The following COL9A2 variants were observed in gnomAD, a reference collection of about 807,000 sequenced individuals.
The protein encoded by COL9A2 is collagen alpha-2(IX) chain.
A neutral mutation model predicts 111.6 loss-of-function variants in COL9A2; 66 were observed. That is an observed-to-expected ratio of 0.59 (90% CI 0.48 to 0.73). The LOEUF is 0.73. COL9A2 is among the 30% of genes least tolerant of loss of function. The probability of loss-of-function intolerance (pLI) is 0.00; values close to 1 mark genes in which losing one functional copy is unlikely to be tolerated. For missense variants in COL9A2, 881 were observed against 954.1 expected (o/e 0.92, Z 1.01); for synonymous variants, 353 against 364.1 (o/e 0.97, Z 0.35).
Position 40,312,504 on chromosome 1 carries a change from G to A in COL9A2, c.340-25C>T. On this transcript the variant is annotated intron_variant, in intron 6 of 31. Coordinates refer to ENST00000372748, the MANE Select transcript of COL9A2 (RefSeq NM_001852.4). The surrounding 1 kb of genome is among the most constrained non-coding windows in gnomAD (Gnocchi z 6.0). ...CCTGGAACAGAAAGAAAGAAAATTGGCTTCATGGCTCCCTCTGCAGGTCCC... is the reference window on the plus strand; with the variant it reads ...CCTGGAACAGAAAGAAAGAAAATTGACTTCATGGCTCCCTCTGCAGGTCCC... 6.2e-7 allele frequency: 1 copy of A among 1,613,890 alleles called. No homozygotes were observed. The highest frequency in any genetic ancestry group is 8.5e-7 in the Non-Finnish European group (1 of 1,179,924).
rs1557794346 is a variant in COL9A2 at position 40,304,397 on chromosome 1, G to A, written c.1216-6C>T. The A allele has an allele frequency of 1.2e-6, 2 of 1,605,012 alleles. No individual in the cohort carries two copies. The highest frequency in any genetic ancestry group is 1.7e-5 in the Admixed American group (1 of 58,292). ...CCCTGCTCCCCCTTAGGGCCCTGAG[G>A]AGAAAAGAAACCAAAGGAATAAATG... On this transcript the variant is annotated splice_region_variant and splice_polypyrimidine_tract_variant and intron_variant, in intron 23 of 31. Transcript: ENST00000372748.
intron 20 of COL9A2, 123 bp downstream of exon 20, chr1:40,306,020 G>A: frequency 8.7e-7 from 1 of 1,152,946 alleles, no homozygotes; most frequent in South Asian, 1.2e-5. Context: ...GAGGGAGGTG[G>A]TTAGGCCCAA....
chr1:40,315,695 TCAGA>T, intron 1 of COL9A2, 31 bp from the exon 2 acceptor site: 2 of 1,516,198 alleles, frequency 1.3e-6, no homozygotes, highest in Non-Finnish European at 1.8e-6. Context: ...GGGGCAGTCC[TCAGA>T]CAGTGCAGGA....
At position 40,304,500 on chromosome 1, in the gene COL9A2, C is replaced by A; in HGVS notation, c.1191G>T (p.Gly397=). Residue 397 remains glycine, a synonymous_variant, in exon 23 of 32, where the codon GGG becomes GGT. Coordinates refer to ENST00000372748, the MANE Select transcript of COL9A2 (RefSeq NM_001852.4). ...CCTGCCTTCCCTGAGGGCCTGGTTG[C>A]CCCACTGGACCCCTCTCGCCTTGGT... ...KGDQGERGPV[G]QPGPQGRQGP... 6.2e-7 allele frequency: 1 copy of A among 1,614,150 alleles called. No individual in the cohort carries two copies. Among genetic ancestry groups the A allele is most frequent in the South Asian group, 1.1e-5 (1 of 91,072 alleles).
In COL9A2 at chr1:40,307,824, T is replaced by G. The variant is rs1644054830; in HGVS notation, c.901-68A>C. The G allele has an allele frequency of 6.5e-7, 1 of 1,535,634 alleles. No individual in the cohort carries two copies. Among genetic ancestry groups the G allele is most frequent in the South Asian group, 1.1e-5 (1 of 88,416 alleles). On this transcript the variant is annotated intron_variant, in intron 17 of 31. Transcript: ENST00000372748. The surrounding 1 kb of genome is among the most constrained non-coding windows in gnomAD (Gnocchi z 4.8). ...TGTCTGGGGTCTGGCCACCCACCCC[T>G]GTTCCTCTGAGACAGCTGCAGTGTG...
chr1:40,307,267 T>C lies in COL9A2; in HGVS notation c.1008+179A>G, dbSNP rs1644044021. 6.6e-6 allele frequency among the ~76,000 whole-genome samples: 1 copy of C among 152,216 alleles called. No individual in the cohort carries two copies. Among genetic ancestry groups the C allele is most frequent in the African/African-American group, 2.4e-5 (1 of 41,448 alleles). On this transcript the variant is annotated intron_variant, in intron 19 of 31. Coordinates refer to ENST00000372748, the MANE Select transcript of COL9A2 (RefSeq NM_001852.4). This position sits in a 1 kb window ranked among gnomAD's most constrained non-coding sequence, Gnocchi z 4.8. ...ATTTAGCCAACATGGAGGACTGGAA[T>C]GGCCAAAGAGAAGGCTAGAGTAATT...
At chr1:40,301,548 CCAAT>C (rs1643915165) in intron 31 of COL9A2, among the ~76,000 whole-genome samples, 167 bp from the exon 32 acceptor site, 2 of 152,224 alleles carry the variant, frequency 1.3e-5, no homozygotes. Context: ...CCCCCAGCTC[CCAAT>C]CAGTGAGCTT....
At position 40,315,635 on chromosome 1, in the gene COL9A2, CG is replaced by C. The variant is rs761125486; in HGVS notation, c.104del (p.Pro35ArgfsTer51). The C allele has an allele frequency of 1.3e-6, 2 of 1,553,864 alleles. No homozygotes were observed. Among genetic ancestry groups the C allele is most frequent in the Admixed American group, 2.0e-5 (1 of 51,066 alleles). ...IRGPPGERGP[P>X]GPPGPPGVPG... is the part of the protein sequence containing the mutation. ...GCACTCCCGGCGGTCCCGGGGGACC[CG>C]GGGGGCCCCGCTCTCCCGGTGGACC... On this transcript the variant is annotated frameshift_variant, in exon 2 of 32. Transcript: ENST00000372748. LOFTEE classifies it high-confidence loss of function.
At chr1:40,313,578 G>T (rs1428058865) in intron 4 of COL9A2, among the ~76,000 whole-genome samples, 1 of 152,212 alleles carries the variant, frequency 6.6e-6, no homozygotes, top group African/African-American at 2.4e-5. Flanking sequence ...TGCAGGGTGT[G>T]GATGAGTTTG....
At position 40,311,422 on chromosome 1, in the gene COL9A2, C is replaced by T. The variant is rs545619399; in HGVS notation, c.519+78G>A. On this transcript the variant is annotated intron_variant, in intron 10 of 31. Coordinates refer to ENST00000372748, the MANE Select transcript of COL9A2 (RefSeq NM_001852.4). The surrounding 1 kb of genome is among the most constrained non-coding windows in gnomAD (Gnocchi z 5.1). The stretch of plus-strand genomic sequence containing the variant: ...CCCCTCCCCATCTCTCCAGACACCC[C>T]CATCTCCGTGGCCCCGCCTCCCCAT... The T allele has an allele frequency of 8.8e-6, 14 of 1,588,704 alleles. No individual in the cohort carries two copies. The highest frequency in any genetic ancestry group is 6.8e-5 in the East Asian group (3 of 44,324).
rs1644109819 is a variant in COL9A2 at position 40,310,733 on chromosome 1, T to C, written c.665A>G (p.Gln222Arg). The C allele has an allele frequency of 6.4e-7, 1 of 1,566,280 alleles. No individual in the cohort carries two copies. The highest frequency in any genetic ancestry group is 2.4e-5 in the East Asian group (1 of 41,876). The change falls in exon 13 of 32, where the codon CAA (glutamine) becomes CGA (arginine). Residue 222 changes from glutamine to arginine, a missense_variant. Gln to Arg is a conservative substitution (Grantham distance 43, BLOSUM62 1). Coordinates refer to ENST00000372748, the MANE Select transcript of COL9A2 (RefSeq NM_001852.4). The surrounding 1 kb of genome is among the most constrained non-coding windows in gnomAD (Gnocchi z 4.9). ...PKGDVGASGE[Q>R]GIPGPPGPQG... ...CCTTACCGGTGGTCCAGGGATGCCTTGCTCTCCAGAGGCACCCACATCTCC... is the reference window on the plus strand; with the variant it reads ...CCTTACCGGTGGTCCAGGGATGCCTCGCTCTCCAGAGGCACCCACATCTCC...
In COL9A2 at chr1:40,309,952, C is replaced by T. The variant is rs561050736; in HGVS notation, c.832G>A (p.Glu278Lys). ...TGAGGACTCACCTCGTCACCCTTCT[C>T]CCCAGCTCGGCCTGGCGGTCCCCTA... is the stretch of plus-strand genomic sequence containing the variant. ...GPRGPPGRAG[E>K]KGDEGSPGIR... Residue 278 changes from glutamate to lysine, a missense_variant, in exon 16 of 32, where the codon GAG (glutamate) becomes AAG (lysine). Glu to Lys is a moderately conservative substitution (Grantham distance 56). Coordinates refer to ENST00000372748, the MANE Select transcript of COL9A2 (RefSeq NM_001852.4). 8.7e-6 allele frequency: 14 copies of T among 1,613,948 alleles called. No individual in the cohort carries two copies. Among genetic ancestry groups the T allele is most frequent in the African/African-American group, 6.7e-5 (5 of 75,032 alleles).
At position 40,303,115 on chromosome 1, in the gene COL9A2, G is replaced by A. The variant is rs371463096; in HGVS notation, c.1603+16C>T. The A allele has an allele frequency of 1.6e-5, 25 of 1,610,902 alleles. No individual in the cohort carries two copies. The African/African-American group carries it at 3.3e-4, about 22-fold the overall frequency. On this transcript the variant is annotated intron_variant, in intron 29 of 31. Transcript: ENST00000372748. The surrounding 1 kb of genome is among the most constrained non-coding windows in gnomAD (Gnocchi z 4.6). ...TGCCCTCGAACTGACTGTGAGGAGGGGTTGCTGCCCCTCACCTTGCAGCAT... is the reference window on the plus strand; with the variant it reads ...TGCCCTCGAACTGACTGTGAGGAGGAGTTGCTGCCCCTCACCTTGCAGCAT...
rs773334164 is a variant in COL9A2, at chr1:40,307,683, A to AT, written c.954+19dup. 6.2e-7 allele frequency: 1 copy of AT among 1,614,012 alleles called. No homozygotes were observed. Among genetic ancestry groups the AT allele is most frequent in the Non-Finnish European group, 8.5e-7 (1 of 1,179,926 alleles). Reference sequence around the variant, plus strand: ...AAGGTCCTGCCCCTGCCCCAGTCCCATCAGCAGCCCCACTCCTACCTTCAT... The same window carrying AT: ...AAGGTCCTGCCCCTGCCCCAGTCCCATTCAGCAGCCCCACTCCTACCTTCAT... On this transcript the variant is annotated intron_variant, in intron 18 of 31. Coordinates refer to ENST00000372748, the MANE Select transcript of COL9A2 (RefSeq NM_001852.4). This position sits in a 1 kb window ranked among gnomAD's most constrained non-coding sequence, Gnocchi z 4.8.
In COL9A2 at chr1:40,309,997, A is replaced by G. The variant is rs765269329; in HGVS notation, c.793-6T>C. 1 of 1,614,102 alleles carries G rather than the reference A, an allele frequency of 6.2e-7. No homozygotes were observed. The highest frequency in any genetic ancestry group is 8.5e-7 in the Non-Finnish European group (1 of 1,180,024). On this transcript the variant is annotated splice_region_variant and splice_polypyrimidine_tract_variant and intron_variant, in intron 15 of 31. Transcript: ENST00000372748. ...CCCCTAGGACCTTCCTCACCCTGGC[A>G]AGAAAGACAAGCAGGAATCCAGGTC...
intron 21 of COL9A2, 178 bp from the exon 22 acceptor site, chr1:40,305,025 AT>A (rs1644001982): frequency 9.3e-6 from 5 of 537,362 alleles, no homozygotes; most frequent in South Asian, 2.7e-5. Context: ...ACCCAACACA[AT>A]TTGAATTACT....
chr1:40,305,279 T>C (rs1268078217), intron 21 of COL9A2, among the ~76,000 whole-genome samples: 2 of 151,936 alleles, frequency 1.3e-5, no homozygotes, highest in East Asian at 3.9e-4. Context: ...GCGGTCTGGA[T>C]CTCCTGACCT....
chr1:40,313,830 G>A (rs1644171584), intron 4 of COL9A2, among the ~76,000 whole-genome samples: 1 of 152,190 alleles, frequency 6.6e-6, no homozygotes, highest in South Asian at 2.1e-4. Context: ...GCCTGGGGCT[G>A]TGGGTAGGGG....
chr1:40,304,917 C>T, intron 21 of COL9A2, 70 bp from the exon 22 acceptor site: 2 of 1,361,496 alleles, frequency 1.5e-6, no homozygotes, highest in East Asian at 2.5e-5. Context: ...CTGGCCAGCC[C>T]CTCCCTACCC....
Sources: allele counts gnomAD v4.1 joint callset (sites outside exome capture counted in the v4.1 genomes callset), GRCh38; gene constraint gnomAD v4.1.1; non-coding constraint Gnocchi (gnomAD v3.1); transcripts MANE v1.5; gene names NCBI Gene and HGNC (gene_info 2026-07-23, HGNC 2026-07-21).